TMC3: variants seen among roughly 807,000 people sequenced by gnomAD.
The protein encoded by TMC3 is transmembrane channel like 3, also known as transmembrane channel-like protein 3.
In TMC3, 98 loss-of-function variants were observed where a neutral mutation model predicts 110.6. The ratio of observed to expected loss-of-function variants is 0.89; its 90% CI spans 0.75 to 1.05. The LOEUF is 1.05. Ranked by LOEUF, TMC3 falls within the 50% of genes least tolerant of loss-of-function variation. TMC3 has a pLI of 0.00. For missense variants in TMC3, 1,319 were observed against 1,373.2 expected, an observed-to-expected ratio of 0.96 and a Z score of 0.62; for synonymous variants, 489 against 513.1, an observed-to-expected ratio of 0.95 and a Z score of 0.63.
intron 11 of TMC3, among the ~76,000 whole-genome samples, chr15:81,346,910 A>G (rs1893840365): frequency 6.6e-6 from 1 of 152,222 alleles, no homozygotes; most frequent in Non-Finnish European, 1.5e-5. Context: ...TCACACAATT[A>G]AAAAGCAGCA....
chr15:81,344,845 A>G lies in TMC3; in HGVS notation c.1439T>C (p.Met480Thr). The G allele has an allele frequency of 6.2e-7, 1 of 1,613,916 alleles. No individual in the cohort carries two copies. Among genetic ancestry groups the G allele is most frequent in the Non-Finnish European group, 8.5e-7 (1 of 1,179,848 alleles). ...AGTCTTGTTGGCCTTTATAAGAGGC[A>G]TGGTATAAGCTGAAATGCTGGTCTC... ...LEETSISAYT[M>T]PLIKANKTSL... Residue 480 changes from methionine to threonine, a missense_variant, in exon 13 of 22, where the codon ATG becomes ACG. Transcript: ENST00000359440.
intron 20 of TMC3, among the ~76,000 whole-genome samples, chr15:81,336,271 A>T (rs923502710): frequency 2.0e-5 from 3 of 151,904 alleles, no homozygotes; most frequent in Non-Finnish European, 2.9e-5. Context: ...CTCTGCATTT[A>T]AAAAAAATAT....
chr15:81,356,397 C>T (rs1383076489), intron 8 of TMC3, 50 bp downstream of exon 8: 1 of 1,537,180 alleles, frequency 6.5e-7, no homozygotes, highest in Admixed American at 2.0e-5. Context: ...GCGGCTGGCT[C>T]TGACCCTGAG....
chr15:81,358,113 G>A (rs141011835), intron 7 of TMC3, 36 bp downstream of exon 7: 45 of 1,537,826 alleles, frequency 2.9e-5, no homozygotes, highest in East Asian at 6.8e-5. Context: ...ATATCATAAC[G>A]CTTGATATGT....
At chr15:81,336,757 T>C in intron 19 of TMC3, 106 bp from the exon 20 acceptor site, 1 of 1,200,000 alleles carries the variant, frequency 8.3e-7, no homozygotes, top group African/African-American at 1.5e-5. Context: ...AGTTCTTACC[T>C]TGGACCATAA....
chr15:81,335,670 G>C (rs1800627981), intron 20 of TMC3: 2 of 152,584 alleles, frequency 1.3e-5, no homozygotes, highest in Admixed American at 1.3e-4. Flanking sequence ...ACAGCTGTGA[G>C]AGCTAGCCCC....
At chr15:81,346,521 A>G (rs931146424) in intron 11 of TMC3, 78 bp from the exon 12 acceptor site, 1 of 1,389,816 alleles carries the variant, frequency 7.2e-7, no homozygotes, top group Admixed American at 1.9e-5. Flanking sequence ...ACATGGTTCT[A>G]AAGACTGTCA....
At chr15:81,357,898 G>A (rs1251736746) in intron 7 of TMC3, among the ~76,000 whole-genome samples, 1 of 152,136 alleles carries the variant, frequency 6.6e-6, no homozygotes, top group Non-Finnish European at 1.5e-5. Context: ...TGTTCAATAA[G>A]TACTTGTTAA....
chr15:81,352,673 A>T (rs570970415), intron 9 of TMC3, among the ~76,000 whole-genome samples: 1 of 152,342 alleles, frequency 6.6e-6, no homozygotes, highest in South Asian at 2.1e-4. Context: ...CACTGTTACC[A>T]TAAGAGATGA....
chr15:81,359,516 A>G (rs1445163781), intron 4 of TMC3, 45 bp from the exon 5 acceptor site: 9 of 1,303,116 alleles, frequency 6.9e-6, no homozygotes, highest in Middle Eastern at 4.3e-4. Flanking sequence ...TAAAATCCTC[A>G]TAGTGCAAGA....
Position 81,374,130 on chromosome 15 carries a change from G to A in TMC3, c.-53C>T. The A allele has an allele frequency of 6.6e-7, 1 of 1,521,400 alleles. No individual in the cohort carries two copies. The highest frequency in any genetic ancestry group is 1.7e-5 in the Admixed American group (1 of 57,536). 94.2% of individuals were successfully genotyped at this position (1,521,400 alleles called of 1,614,324 possible). A position where few individuals can be genotyped will look rare whatever the true frequency, so the allele number is the denominator to read the frequency against. On this transcript the variant is annotated 5_prime_UTR_variant, in exon 1 of 22. Transcript: ENST00000359440. ...AAGCTGGCCAGAGAGCTAGGAAGTT[G>A]GCAGGCAAAGGTCTGTTCCGAGGTT...
chr15:81,370,157 G>C (rs1047533494), intron 2 of TMC3, among the ~76,000 whole-genome samples: 3 of 152,134 alleles, frequency 2.0e-5, no homozygotes, highest in Admixed American at 2.0e-4. Flanking sequence ...TCCTACAGGG[G>C]AAACAAGCAT....
intron 7 of TMC3, among the ~76,000 whole-genome samples, chr15:81,357,391 A>G (rs1596090343): frequency 6.6e-6 from 1 of 151,902 alleles, no homozygotes; most frequent in Non-Finnish European, 1.5e-5. Flanking sequence ...ACACAAATCA[A>G]GCAGAAGCAG....
chr15:81,335,102 A>G, intron 20 of TMC3, 127 bp from the exon 21 acceptor site: 1 of 980,676 alleles, frequency 1.0e-6, no homozygotes, highest in Non-Finnish European at 1.5e-6. Context: ...GTGCACTTAC[A>G]AATGCACCTA....
At chr15:81,340,994 T>C (rs781092590) in intron 16 of TMC3, among the ~76,000 whole-genome samples, 3 of 152,252 alleles carry the variant, frequency 2.0e-5, no homozygotes, top group Admixed American at 6.5e-5. Context: ...GCAAGCCTAA[T>C]TATGCCATTA....
chr15:81,356,618 G>A (rs1894068954), intron 7 of TMC3, 24 bp from the exon 8 acceptor site: 1 of 1,572,402 alleles, frequency 6.4e-7, no homozygotes, highest in Non-Finnish European at 8.6e-7. Context: ...GCACAAACAG[G>A]TCTTGGGAGT....
rs552715267 is a variant in TMC3, at chr15:81,336,789, T to C, written c.2161-138A>G. 2.6e-4 allele frequency: 227 copies of C among 857,166 alleles called. 1 individual carries two copies. The Middle Eastern group carries it at 5.1e-3, about 19-fold the overall frequency. The allele number at this position is 857,166 out of a possible 1,614,324, so 53.1% of individuals were successfully genotyped here. A position where few individuals can be genotyped will look rare whatever the true frequency, so the allele number is the denominator to read the frequency against. ...ATAACTGTACTACTATTGCCCCCTA[T>C]GGACGGTATGCTCTGGGCTCGGGCC... On this transcript the variant is annotated intron_variant, in intron 19 of 21. Coordinates refer to ENST00000359440, the MANE Select transcript of TMC3 (RefSeq NM_001080532.3).
intron 2 of TMC3, among the ~76,000 whole-genome samples, chr15:81,370,327 C>G (rs1894406014): frequency 6.6e-6 from 1 of 152,146 alleles, no homozygotes; most frequent in Non-Finnish European, 1.5e-5. Flanking sequence ...TCAGCAAGTC[C>G]AATGAGGGAA....
In TMC3 at chr15:81,332,271, C is replaced by T. The variant is rs550655870; in HGVS notation, c.*148G>A. The T allele has an allele frequency of 2.8e-4, 334 of 1,195,540 alleles. 8 individuals carry two copies. In the East Asian group the frequency reaches 8.5e-3, roughly 30 times the overall value. The allele number at this position is 1,195,540 out of a possible 1,614,324, so 74.1% of individuals were successfully genotyped here. On this transcript the variant is annotated 3_prime_UTR_variant, in exon 22 of 22. Coordinates refer to ENST00000359440, the MANE Select transcript of TMC3 (RefSeq NM_001080532.3). ...GAATAGGTATCTGTAGCCCTGTCAG[C>T]CTCAGGGCCTCAGCTAGCAGCCGCT...
Sources: allele counts gnomAD v4.1 joint callset (sites outside exome capture counted in the v4.1 genomes callset), GRCh38; gene constraint gnomAD v4.1.1; transcripts MANE v1.5; gene names NCBI Gene and HGNC (gene_info 2026-07-23, HGNC 2026-07-21).